The following ESR1 variants were observed in gnomAD, a reference collection of about 807,000 sequenced individuals.
The protein encoded by ESR1 is estrogen receptor.
In ESR1, 12 loss-of-function variants were observed where a neutral mutation model predicts 52.7. That is an observed-to-expected ratio of 0.23 (90% CI 0.15 to 0.37). ESR1 has a LOEUF of 0.37. ESR1 is among the 10% of genes least tolerant of loss of function. The pLI, the probability that ESR1 is intolerant of heterozygous loss-of-function variation, is 1.00. For synonymous variants in ESR1, 305 were observed against 316.8 expected, an observed-to-expected ratio of 0.96 and a Z score of 0.39; for missense variants, 584 against 779.7, an observed-to-expected ratio of 0.75 and a Z score of 2.99.
chr6:151,663,839 G>A (rs1777722803), intron 1 of ESR1, among the ~76,000 whole-genome samples: 1 of 152,214 alleles, frequency 6.6e-6, no homozygotes, highest in Non-Finnish European at 1.5e-5. Context: ...GAGAGTGAAG[G>A]GATAAGACAA....
At position 151,743,223 on chromosome 6, in the gene ESR1, G is replaced by A. The variant is rs552828346; in HGVS notation, c.-71+41218G>A. Among the ~76,000 whole-genome samples the A allele has an allele frequency of 3.9e-5, 6 of 152,238 alleles. No individual in the cohort carries two copies. In the East Asian group the frequency reaches 9.7e-4, roughly 25 times the overall value. On this transcript the variant is annotated intron_variant, in intron 2 of 2. Transcript: ENST00000404742. ...ACACTGTTGGGAAGGCCTGGTGGGA[G>A]GGGAGGTACCTGCAAGGGCATGTAG...
intron 2 of ESR1, among the ~76,000 whole-genome samples, chr6:151,716,042 T>A (rs896779237): frequency 6.6e-6 from 1 of 152,228 alleles, no homozygotes; most frequent in South Asian, 2.1e-4. Flanking sequence ...TTTTTGTTGA[T>A]ATTAATGCTA....
intron 4 of ESR1, among the ~76,000 whole-genome samples, chr6:151,965,217 CT>C (rs1463092212): frequency 2.6e-5 from 4 of 152,176 alleles, no homozygotes; most frequent in Non-Finnish European, 5.9e-5. Flanking sequence ...CAGTGACTGT[CT>C]TTCCAAACCA....
chr6:151,762,515 C>T (rs1181497505), intron 2 of ESR1, among the ~76,000 whole-genome samples: 1 of 152,112 alleles, frequency 6.6e-6, no homozygotes, highest in Non-Finnish European at 1.5e-5. Flanking sequence ...AATTCTATGA[C>T]CTTGGATGAG....
At chr6:151,767,581 A>G (rs1258633268) in intron 2 of ESR1, among the ~76,000 whole-genome samples, 4 of 152,218 alleles carry the variant, frequency 2.6e-5, no homozygotes, top group African/African-American at 9.7e-5. Flanking sequence ...ATATTTCAAG[A>G]TGTCTGCACT....
Position 151,684,828 on chromosome 6 carries a change from C to G in ESR1, n.74-17047C>G, listed in dbSNP as rs114432568. On this transcript the variant is annotated intron_variant and non_coding_transcript_variant, in intron 1 of 2. Transcript: ENST00000473497. The stretch of plus-strand genomic sequence containing the variant: ...CAGTGCTGGGGGGCCAAGGCTGCGG[C>G]TGCTGGTGCCAATCAAAGGCACCCA... 9.3e-3 allele frequency among the ~76,000 whole-genome samples: 1,416 copies of G among 152,322 alleles called. 19 individuals are homozygous for G. The highest frequency in any genetic ancestry group is 0.032 in the African/African-American group (1,346 of 41,574).
intron 2 of ESR1, among the ~76,000 whole-genome samples, chr6:151,782,479 G>A (rs77039960): frequency 0.017 from 2,560 of 152,082 alleles, 78 homozygotes; most frequent in African/African-American, 0.059. Context: ...CCAAGTTTTC[G>A]GTAAATGATG....
intron 1 of ESR1, among the ~76,000 whole-genome samples, chr6:151,834,122 T>C (rs906506409): frequency 3.9e-5 from 6 of 152,316 alleles, no homozygotes; most frequent in Admixed American, 2.6e-4. Flanking sequence ...AGTTCAGCCA[T>C]TGTGGAAGAC....
At chr6:151,679,217 T>C (rs1778365900) in intron 1 of ESR1, among the ~76,000 whole-genome samples, 2 of 152,324 alleles carry the variant, frequency 1.3e-5, no homozygotes, top group South Asian at 4.1e-4. Flanking sequence ...GTGACACATC[T>C]GTTTCATATC....
At chr6:151,691,268 T>C (rs1275733337) in intron 1 of ESR1, among the ~76,000 whole-genome samples, 1 of 152,178 alleles carries the variant, frequency 6.6e-6, no homozygotes, top group East Asian at 1.9e-4. Flanking sequence ...TGGTGTCCCA[T>C]TTTCTCAGTT....
chr6:151,976,706 T>G (rs116961154), intron 4 of ESR1, among the ~76,000 whole-genome samples: 166 of 152,248 alleles, frequency 1.1e-3, no homozygotes, highest in Admixed American at 2.6e-3. Context: ...TAATCACTGA[T>G]AGAGATTAAA....
rs1480398365 is a variant in ESR1, at chr6:152,094,120, G to T, written c.1370-265G>T. Reference sequence around the variant, plus strand: ...GAGAAAAGGTGGCCCATGTTACCATGACAGGCCCCAAGGCTAACAGCCCCT... The same window carrying T: ...GAGAAAAGGTGGCCCATGTTACCATTACAGGCCCCAAGGCTAACAGCCCCT... On this transcript the variant is annotated intron_variant, in intron 6 of 7. Coordinates refer to ENST00000206249, the MANE Select transcript of ESR1 (RefSeq NM_000125.4). The surrounding 1 kb of genome is among the most constrained non-coding windows in gnomAD (Gnocchi z 4.6). Among the ~76,000 whole-genome samples, 1 of 152,200 alleles carries T rather than the reference G, an allele frequency of 6.6e-6. No homozygotes were observed. The highest frequency in any genetic ancestry group is 2.4e-5 in the African/African-American group (1 of 41,446).
At chr6:152,110,594 C>T (rs548048483) in intron 6 of ESR1, among the ~76,000 whole-genome samples, 5 of 152,056 alleles carry the variant, frequency 3.3e-5, no homozygotes, top group South Asian at 2.1e-4. Context: ...TTAATACCTG[C>T]GCGACAAAAT....
At chr6:152,002,507 C>G (rs1254524243) in intron 4 of ESR1, among the ~76,000 whole-genome samples, 1 of 151,984 alleles carries the variant, frequency 6.6e-6, no homozygotes, top group Admixed American at 6.6e-5. Flanking sequence ...GGTACAAGTG[C>G]TTGTTGACTT....
intron 4 of ESR1, among the ~76,000 whole-genome samples, chr6:151,970,741 G>A (rs762932840): frequency 1.5e-4 from 23 of 152,178 alleles, no homozygotes; most frequent in African/African-American, 5.1e-4. Context: ...TATTCTCCTC[G>A]CTCTCTCTAA....
At chr6:151,726,666 T>A (rs1781872047) in intron 2 of ESR1, among the ~76,000 whole-genome samples, 1 of 152,242 alleles carries the variant, frequency 6.6e-6, no homozygotes, top group Admixed American at 6.5e-5. Flanking sequence ...AGTTTCTAAC[T>A]GTTGACACTA....
intron 2 of ESR1, among the ~76,000 whole-genome samples, chr6:151,872,056 T>C (rs1297537045): frequency 1.3e-5 from 2 of 152,180 alleles, no homozygotes; most frequent in Admixed American, 1.3e-4. Flanking sequence ...TATAAAAATA[T>C]CTATTTGAGT....
intron 5 of ESR1, among the ~76,000 whole-genome samples, chr6:152,017,872 A>G (rs1313425437): frequency 6.6e-6 from 1 of 152,112 alleles, no homozygotes; most frequent in Non-Finnish European, 1.5e-5. Context: ...ACAAATTCTG[A>G]GAAATATTTG....
chr6:151,899,071 G>T (rs559471803), intron 3 of ESR1, among the ~76,000 whole-genome samples: 57,120 of 125,338 alleles, frequency 0.46, 10,719 homozygotes, highest in Middle Eastern at 0.58. Flanking sequence ...CTGGCCGGGT[G>T]GGGGGCTGAC....
Sources: allele counts gnomAD v4.1 joint callset (sites outside exome capture counted in the v4.1 genomes callset), GRCh38; gene constraint gnomAD v4.1.1; non-coding constraint Gnocchi (gnomAD v3.1); transcripts MANE v1.5; gene names NCBI Gene and HGNC (gene_info 2026-07-23, HGNC 2026-07-21).